The following DIP2C variants were observed in gnomAD, a reference collection of about 807,000 sequenced individuals.
The protein encoded by DIP2C is DIP2 acetate--CoA ligase C (putative), also known as disco-interacting protein 2 homolog C.
Under a neutral mutation model 192.4 loss-of-function variants are expected in DIP2C, and 33 were observed. That is an observed-to-expected ratio of 0.17 (90% CI 0.13 to 0.23). DIP2C has a LOEUF of 0.23. Among genes scored for constraint, DIP2C ranks in the 10% least tolerant of loss-of-function variants. The probability of loss-of-function intolerance (pLI) is 1.00; values close to 1 mark genes in which losing one functional copy is unlikely to be tolerated. For missense variants in DIP2C, 1,537 were observed against 2,110.1 expected, an observed-to-expected ratio of 0.73 and a Z score of 5.32; for synonymous variants, 979 against 864.1, an observed-to-expected ratio of 1.13 and a Z score of -2.33.
chr10:328,591 C>T (rs1209273351), intron 30 of DIP2C, among the ~76,000 whole-genome samples: 2 of 19,644 alleles, frequency 1.0e-4, no homozygotes, highest in Non-Finnish European at 2.2e-4. Flanking sequence ...CTAACTTTTT[C>T]CTATATAAAA....
At chr10:590,410 C>T (rs1234915969) in intron 1 of DIP2C, among the ~76,000 whole-genome samples, 1 of 152,242 alleles carries the variant, frequency 6.6e-6, no homozygotes, top group African/African-American at 2.4e-5. Flanking sequence ...TGAGCATCTT[C>T]TCCCAGAGGT....
chr10:557,795 G>GAA (rs1376453369), intron 1 of DIP2C, among the ~76,000 whole-genome samples: 24 of 71,968 alleles, frequency 3.3e-4, no homozygotes, highest in African/African-American at 1.3e-3. Flanking sequence ...GCGGGGGCAG[G>GAA]GGCAGGCAGG....
intron 5 of DIP2C, among the ~76,000 whole-genome samples, chr10:421,582 G>C (rs2133157920): frequency 6.6e-6 from 1 of 152,312 alleles, no homozygotes; most frequent in South Asian, 2.1e-4. Flanking sequence ...TTCAAGTACA[G>C]GTTATTAATT....
Position 623,336 on chromosome 10 carries a change from C to T in DIP2C, c.85+66158G>A, listed in dbSNP as rs537286725. Reference sequence around the variant, plus strand: ...ACCAGACGGATGCCTGCCAAGGGGACGCTGCAGCCGTGCTGGCGAGGGAGG... The same window carrying T: ...ACCAGACGGATGCCTGCCAAGGGGATGCTGCAGCCGTGCTGGCGAGGGAGG... On this transcript the variant is annotated intron_variant, in intron 1 of 36. Transcript: ENST00000280886. 6.7e-5 allele frequency among the ~76,000 whole-genome samples: 10 copies of T among 149,110 alleles called. No homozygotes were observed. In the South Asian group the frequency reaches 1.3e-3, roughly 19 times the overall value.
chr10:491,526 C>T (rs1197717231), intron 1 of DIP2C, among the ~76,000 whole-genome samples: 3 of 152,156 alleles, frequency 2.0e-5, no homozygotes, highest in Non-Finnish European at 2.9e-5. Context: ...TGTGTGTACC[C>T]CTCGCCTGCA....
intron 17 of DIP2C, among the ~76,000 whole-genome samples, chr10:378,866 C>T (rs1253074715): frequency 6.6e-6 from 1 of 150,698 alleles, no homozygotes; most frequent in African/African-American, 2.5e-5. Context: ...TGTGAACAGA[C>T]ATGCCTAGAC....
chr10:517,605 A>T (rs1846442553), intron 1 of DIP2C, among the ~76,000 whole-genome samples: 1 of 152,360 alleles, frequency 6.6e-6, no homozygotes, highest in African/African-American at 2.4e-5. Flanking sequence ...AAAAGAAGGC[A>T]CCATATGGAC....
At chr10:592,722 T>C (rs1203891638) in intron 1 of DIP2C, among the ~76,000 whole-genome samples, 1 of 152,146 alleles carries the variant, frequency 6.6e-6, no homozygotes, top group Non-Finnish European at 1.5e-5. Flanking sequence ...CTATGAAAAT[T>C]CTAAAAATGT....
chr10:530,095 C>CT (rs1452097696), intron 1 of DIP2C, among the ~76,000 whole-genome samples: 1 of 152,256 alleles, frequency 6.6e-6, no homozygotes, highest in African/African-American at 2.4e-5. Context: ...CTGCCGCCGT[C>CT]TAAGTGACTG....
In DIP2C at chr10:369,636, G is replaced by A. The variant is rs543656258; in HGVS notation, c.1992-3C>T. ...GCTGGTTACTGTCATCCGTGGGCCT[G>A]TAATGACAGTTTTTAACTTGAATAT... On this transcript the variant is annotated splice_polypyrimidine_tract_variant and splice_region_variant and intron_variant, in intron 17 of 36. Transcript: ENST00000280886. 25 of 1,614,124 alleles carry A rather than the reference G, an allele frequency of 1.5e-5. No individual in the cohort carries two copies. The East Asian group carries it at 3.6e-4, about 23-fold the overall frequency.
intron 32 of DIP2C, among the ~76,000 whole-genome samples, chr10:294,274 G>A (rs1289637328): frequency 1.3e-5 from 2 of 152,036 alleles, no homozygotes; most frequent in Admixed American, 6.6e-5. Flanking sequence ...CGCTAATCCC[G>A]AGCACAGACC....
At chr10:460,139 G>A (rs376779344) in intron 3 of DIP2C, among the ~76,000 whole-genome samples, 27 of 151,866 alleles carry the variant, frequency 1.8e-4, no homozygotes, top group African/African-American at 2.4e-4. Context: ...ATCAGGGAAC[G>A]GCATGCTGCA....
chr10:498,567 G>A (rs956014884), intron 1 of DIP2C, among the ~76,000 whole-genome samples: 26 of 152,320 alleles, frequency 1.7e-4, no homozygotes, highest in Admixed American at 1.2e-3. Context: ...TAGGGGGCTC[G>A]TCAGAGATGC....
At position 427,091 on chromosome 10, in the gene DIP2C, C is replaced by T. The variant is rs149960824; in HGVS notation, c.395-4058G>A. Among the ~76,000 whole-genome samples the T allele has an allele frequency of 1.1e-3, 174 of 152,312 alleles. 1 individual carries two copies. Among genetic ancestry groups the T allele is most frequent in the Admixed American group, 8.9e-3 (136 of 15,296 alleles). ...GATCTTCGTGGCTTATAACAACACA[C>T]GTATCTATTATCCTACAGATGGAGA... On this transcript the variant is annotated intron_variant, in intron 4 of 36. Transcript: ENST00000280886.
chr10:612,969 T>C (rs558280812), intron 1 of DIP2C, among the ~76,000 whole-genome samples: 1 of 152,228 alleles, frequency 6.6e-6, no homozygotes, highest in South Asian at 2.1e-4. Flanking sequence ...GGTGTGCACG[T>C]TGAGCTGGCT....
intron 1 of DIP2C, among the ~76,000 whole-genome samples, chr10:657,866 T>C (rs1856480157): frequency 1.3e-5 from 2 of 151,932 alleles, no homozygotes; most frequent in Non-Finnish European, 2.9e-5. Context: ...GACCTGATGC[T>C]GGACCTGTCC....
intron 1 of DIP2C, among the ~76,000 whole-genome samples, chr10:584,194 GA>G (rs1850837549): frequency 6.6e-6 from 1 of 152,082 alleles, no homozygotes; most frequent in Non-Finnish European, 1.5e-5. Context: ...GACAGGAAAA[GA>G]AAAATATACA....
chr10:390,568 G>A (rs1027050332), intron 11 of DIP2C, among the ~76,000 whole-genome samples, 172 bp downstream of exon 11: 4 of 151,680 alleles, frequency 2.6e-5, no homozygotes, highest in East Asian at 1.9e-4. Flanking sequence ...GTCACCCCAC[G>A]GGCTGGCAAC....
At chr10:378,592 TAG>T (rs1491272855) in intron 17 of DIP2C, among the ~76,000 whole-genome samples, 1 of 147,770 alleles carries the variant, frequency 6.8e-6, no homozygotes, top group Non-Finnish European at 1.5e-5. Flanking sequence ...AACGCAGACA[TAG>T]ACACACATGA....
Sources: gnomAD v4.1 joint callset for allele counts (sites outside exome capture counted in the v4.1 genomes callset) on GRCh38, gnomAD v4.1.1 for gene constraint, MANE v1.5 for transcripts, NCBI Gene and HGNC (gene_info 2026-07-23, HGNC 2026-07-21) for gene names.